GABRA3: variants seen among roughly 807,000 people sequenced by gnomAD.
The protein encoded by GABRA3 is gamma-aminobutyric acid receptor subunit alpha-3.
GABRA3 carries 10 observed loss-of-function variants against 30.1 expected under a neutral mutation model. The ratio of observed to expected loss-of-function variants is 0.33; its 90% CI spans 0.20 to 0.56. The LOEUF is 0.56. Among genes scored for constraint, GABRA3 ranks in the 20% least tolerant of loss-of-function variants. The pLI is 0.89. For missense variants in GABRA3, 233 were observed against 392.0 expected (o/e 0.59, Z 3.42); for synonymous variants, 151 against 146.8 (o/e 1.03, Z -0.21).
rs760121958 is a variant in GABRA3 at position 152,231,713 on chromosome X, G to T, written c.552-6868C>A. Among the ~76,000 whole-genome samples the T allele has an allele frequency of 1.7e-4, 19 of 111,447 alleles. No individual in the cohort carries two copies. In the Admixed American group the frequency reaches 1.7e-3, roughly 10 times the overall value. On this transcript the variant is annotated intron_variant, in intron 5 of 9. Coordinates refer to ENST00000370314, the MANE Select transcript of GABRA3 (RefSeq NM_000808.4). The stretch of plus-strand genomic sequence containing the variant: ...AAATGAAAACATATGTCCAAAGAAA[G>T]ACCTGTTTATAGCAGCTTTATTCAC...
chrX:152,327,545 A>T (rs1267954662), intron 3 of GABRA3, among the ~76,000 whole-genome samples: 1 of 111,933 alleles, frequency 8.9e-6, no homozygotes, highest in African/African-American at 3.3e-5. Context: ...GGATTAAGAA[A>T]CTCACTCAAA....
chrX:152,271,312 G>T (rs759153785), intron 4 of GABRA3, among the ~76,000 whole-genome samples: 30 of 111,712 alleles, frequency 2.7e-4, no homozygotes, highest in Non-Finnish European at 5.3e-4. Flanking sequence ...TGATGATATG[G>T]ACAATAAAGT....
chrX:152,320,560 G>A (rs369089406), intron 3 of GABRA3, among the ~76,000 whole-genome samples: 1 of 110,844 alleles, frequency 9.0e-6, no homozygotes, highest in Non-Finnish European at 1.9e-5. Flanking sequence ...AATGAACTTT[G>A]AGGACTCAGG....
At chrX:152,409,092 C>T (rs989365732) in intron 1 of GABRA3, among the ~76,000 whole-genome samples, 3 of 111,814 alleles carry the variant, frequency 2.7e-5, no homozygotes, top group Admixed American at 9.5e-5. Context: ...GTGGCTCATG[C>T]CTGTAATTCA....
At position 152,294,287 on chromosome X, in the gene GABRA3, T is replaced by A. The variant is rs914863631; in HGVS notation, c.263-9552A>T. ...CCAATCAGACGTAGATTTGGTCTTT[T>A]CACATAGTCCCATATTTCTTGGAGG... On this transcript the variant is annotated intron_variant, in intron 3 of 9. Coordinates refer to ENST00000370314, the MANE Select transcript of GABRA3 (RefSeq NM_000808.4). Among the ~76,000 whole-genome samples, 8 of 111,657 alleles carry A rather than the reference T, an allele frequency of 7.2e-5. No individual in the cohort carries two copies. The East Asian group carries it at 2.3e-3, about 32-fold the overall frequency.
intron 4 of GABRA3, among the ~76,000 whole-genome samples, chrX:152,280,277 A>T (rs1603232466): frequency 9.0e-6 from 1 of 111,506 alleles, no homozygotes; most frequent in East Asian, 2.8e-4. Context: ...GCTCAAGGAC[A>T]TAGATTCCTT....
intron 3 of GABRA3, among the ~76,000 whole-genome samples, chrX:152,330,593 G>GC (rs1402580643): frequency 1.8e-5 from 2 of 109,370 alleles, no homozygotes; most frequent in African/African-American, 3.3e-5. Context: ...GCAAACTATC[G>GC]CAAGGACAGA....
intron 4 of GABRA3, among the ~76,000 whole-genome samples, chrX:152,279,401 G>T (rs1225145581): frequency 9.0e-6 from 1 of 111,461 alleles, no homozygotes; most frequent in Non-Finnish European, 1.9e-5. Flanking sequence ...TGTCAGGTTT[G>T]TCAAAGATCA....
chrX:152,384,476 T>G (rs1275753908), intron 1 of GABRA3, among the ~76,000 whole-genome samples: 2 of 111,866 alleles, frequency 1.8e-5, no homozygotes, highest in Non-Finnish European at 3.8e-5. Context: ...TATAAGACAA[T>G]TGATTTGTGA....
At chrX:152,240,230 A>C (rs1031576356) in intron 5 of GABRA3, among the ~76,000 whole-genome samples, 1 of 104,986 alleles carries the variant, frequency 9.5e-6, no homozygotes, top group African/African-American at 3.7e-5. Context: ...TCTGTGAAGT[A>C]TTTTATTTCT....
At chrX:152,323,961 T>A (rs899211156) in intron 3 of GABRA3, among the ~76,000 whole-genome samples, 2 of 112,494 alleles carry the variant, frequency 1.8e-5, no homozygotes, top group Admixed American at 9.4e-5. Context: ...CTAATTTATA[T>A]GATTTTAAGA....
chrX:152,361,761 C>A (rs1276355697), intron 2 of GABRA3, among the ~76,000 whole-genome samples: 3 of 109,883 alleles, frequency 2.7e-5, no homozygotes, highest in Non-Finnish European at 3.8e-5. Context: ...GGACTACAGG[C>A]ATGTGCCATG....
chrX:152,359,407 T>C (rs1024268654), intron 2 of GABRA3, among the ~76,000 whole-genome samples: 1 of 111,420 alleles, frequency 9.0e-6, no homozygotes, highest in Non-Finnish European at 1.9e-5. Flanking sequence ...AGTAACATGT[T>C]CTTTGTTATT....
chrX:152,224,426 A>G (rs1250732295), intron 6 of GABRA3, among the ~76,000 whole-genome samples: 2 of 112,131 alleles, frequency 1.8e-5, no homozygotes, highest in Non-Finnish European at 3.8e-5. Context: ...TCTTGTCCTT[A>G]GGTAGCTGTG....
chrX:152,171,583 G>C (rs1937002641), intron 9 of GABRA3, among the ~76,000 whole-genome samples: 1 of 111,548 alleles, frequency 9.0e-6, no homozygotes, highest in African/African-American at 3.3e-5. Flanking sequence ...TGACCGAATT[G>C]TCATAATATT....
intron 1 of GABRA3, among the ~76,000 whole-genome samples, chrX:152,435,545 T>C (rs919203452): frequency 6.1e-5 from 6 of 97,740 alleles, no homozygotes; most frequent in Non-Finnish European, 1.2e-4. Context: ...AGTTGAACAA[T>C]GAGAACACAT....
rs1193763916 is a variant in GABRA3, at chrX:152,238,731, T to G, written c.552-13886A>C. On this transcript the variant is annotated intron_variant, in intron 5 of 9. Coordinates refer to ENST00000370314, the MANE Select transcript of GABRA3 (RefSeq NM_000808.4). Reference sequence around the variant, plus strand: ...CCTGGTTTAGTCTTGGGAGAGTGTATGTGTCGAGGAATTTATCCATTTCTT... The same window carrying G: ...CCTGGTTTAGTCTTGGGAGAGTGTAGGTGTCGAGGAATTTATCCATTTCTT... 4.7e-5 allele frequency among the ~76,000 whole-genome samples: 5 copies of G among 106,700 alleles called. No homozygotes were observed. In the Admixed American group the frequency reaches 5.0e-4, roughly 11 times the overall value. 92.7% of individuals were successfully genotyped at this position (106,700 alleles called of 115,157 possible).
At chrX:152,439,277 C>T (rs1175935358) in intron 1 of GABRA3, among the ~76,000 whole-genome samples, 4 of 110,447 alleles carry the variant, frequency 3.6e-5, no homozygotes, top group Admixed American at 9.7e-5. Context: ...AGATTACAGA[C>T]GCCTGCCACC....
chrX:152,395,911 T>G (rs1287387822), intron 1 of GABRA3, among the ~76,000 whole-genome samples: 4 of 111,981 alleles, frequency 3.6e-5, no homozygotes, highest in African/African-American at 1.3e-4. Flanking sequence ...GATGAACACA[T>G]GCCTAATTTA....
Sources: allele counts gnomAD v4.1 joint callset (sites outside exome capture counted in the v4.1 genomes callset), GRCh38; gene constraint gnomAD v4.1.1; transcripts MANE v1.5; gene names NCBI Gene and HGNC (gene_info 2026-07-23, HGNC 2026-07-21).